Variants in LIPC observed in about 807,000 individuals in gnomAD.
LIPC encodes hepatic triacylglycerol lipase.
In LIPC, 44 loss-of-function variants were observed where a neutral mutation model predicts 50.7. That is an observed-to-expected ratio of 0.87 (90% CI 0.68 to 1.11). LIPC has a LOEUF of 1.11. Ranked by LOEUF, LIPC falls within the 50% of genes most tolerant of loss-of-function variation. The pLI, the probability that LIPC is intolerant of heterozygous loss-of-function variation, is 0.00. For synonymous variants in LIPC, 271 were observed against 256.4 expected (o/e 1.06, Z -0.54); for missense variants, 697 against 648.2 (o/e 1.08, Z -0.82).
intron 1 of LIPC, among the ~76,000 whole-genome samples, chr15:58,527,078 T>G (rs1374502045): frequency 1.3e-5 from 2 of 152,134 alleles, no homozygotes; most frequent in African/African-American, 4.8e-5. Context: ...CAGCTGGGCC[T>G]CCAGATATGG....
intron 8 of LIPC, among the ~76,000 whole-genome samples, chr15:58,564,958 C>T (rs1305264313): frequency 6.6e-6 from 1 of 152,144 alleles, no homozygotes; most frequent in African/African-American, 2.4e-5. Context: ...GTCGCGAAGG[C>T]CATGTTTCTC....
At chr15:58,447,950 G>A (rs1308144958) in intron 1 of LIPC, among the ~76,000 whole-genome samples, 23 of 152,216 alleles carry the variant, frequency 1.5e-4, no homozygotes, top group African/African-American at 5.5e-4. Context: ...ACAGGCCTTT[G>A]ACTCAAATCC....
chr15:58,465,423 G>A (rs1426397160), intron 1 of LIPC, among the ~76,000 whole-genome samples: 2 of 152,206 alleles, frequency 1.3e-5, no homozygotes, highest in African/African-American at 4.8e-5. Context: ...TTTTAGAAAA[G>A]AGTTCCATTA....
intron 1 of LIPC, among the ~76,000 whole-genome samples, chr15:58,438,566 A>T (rs1893391650): frequency 6.6e-6 from 1 of 152,194 alleles, no homozygotes; most frequent in African/African-American, 2.4e-5. Context: ...GGCCGAGCCT[A>T]GTCTGTCCAG....
At chr15:58,456,344 T>C (rs576954858) in intron 1 of LIPC, 8 of 152,358 alleles carry the variant, frequency 5.3e-5, no homozygotes, top group African/African-American at 1.9e-4. Flanking sequence ...TTGCTCTGTG[T>C]GATAGTATGA....
intron 1 of LIPC, among the ~76,000 whole-genome samples, chr15:58,507,919 G>C (rs1445028009): frequency 6.6e-6 from 1 of 152,150 alleles, no homozygotes; most frequent in Non-Finnish European, 1.5e-5. Context: ...AGTGGACTTG[G>C]GGAACTTACA....
At chr15:58,449,940 A>G (rs1458407919) in intron 1 of LIPC, among the ~76,000 whole-genome samples, 3 of 152,186 alleles carry the variant, frequency 2.0e-5, no homozygotes, top group African/African-American at 7.2e-5. Context: ...TGTACCCACC[A>G]TCAGATATTC....
chr15:58,492,025 C>T (rs1595893362), intron 1 of LIPC, among the ~76,000 whole-genome samples: 1 of 152,314 alleles, frequency 6.6e-6, no homozygotes, highest in South Asian at 2.1e-4. Flanking sequence ...CAGCAAGCAA[C>T]AGAGCACCCA....
At chr15:58,470,367 T>G (rs1013217175) in intron 1 of LIPC, among the ~76,000 whole-genome samples, 3 of 152,150 alleles carry the variant, frequency 2.0e-5, no homozygotes, top group Non-Finnish European at 4.4e-5. Flanking sequence ...TGAAAGGGTA[T>G]ATAGTAATAA....
At chr15:58,542,386 A>G in intron 3 of LIPC, 148 bp from the exon 4 acceptor site, 1 of 732,328 alleles carries the variant, frequency 1.4e-6, no homozygotes, top group South Asian at 1.4e-5. Flanking sequence ...CAGCCAGTTG[A>G]GAGATTAGTT....
intron 1 of LIPC, among the ~76,000 whole-genome samples, chr15:58,501,636 G>A (rs1434472923): frequency 6.6e-6 from 1 of 152,072 alleles, no homozygotes; most frequent in Non-Finnish European, 1.5e-5. Context: ...CTAATCACAA[G>A]GAAGAGTACA....
chr15:58,499,035 G>T (rs576353972), intron 1 of LIPC, among the ~76,000 whole-genome samples: 1 of 152,324 alleles, frequency 6.6e-6, no homozygotes, highest in Admixed American at 6.5e-5. Context: ...GGAAAAGCAC[G>T]TGTCAGGCAG....
intron 1 of LIPC, among the ~76,000 whole-genome samples, chr15:58,479,521 C>G (rs1292306503): frequency 6.6e-6 from 1 of 152,190 alleles, no homozygotes; most frequent in African/African-American, 2.4e-5. Flanking sequence ...CAGAGGACTT[C>G]TATAGCAATA....
chr15:58,442,918 GGTT>G (rs1183404276), intron 1 of LIPC, among the ~76,000 whole-genome samples: 6 of 152,218 alleles, frequency 3.9e-5, no homozygotes, highest in African/African-American at 1.2e-4. Context: ...TGGTTTGGGG[GGTT>G]GTTTTTGGTT....
At chr15:58,540,043 G>A (rs1893269347) in intron 2 of LIPC, among the ~76,000 whole-genome samples, 1 of 152,202 alleles carries the variant, frequency 6.6e-6, no homozygotes, top group South Asian at 2.1e-4. Context: ...TAGGCCGTAA[G>A]CTTCTCCCTG....
intron 1 of LIPC, among the ~76,000 whole-genome samples, chr15:58,472,270 CA>C (rs35901617): frequency 0.13 from 11,597 of 87,414 alleles, 439 homozygotes; most frequent in African/African-American, 0.19. Context: ...CATTTGGTCT[CA>C]AAAAAAAAAA....
chr15:58,545,594 C>T (rs1386050427), intron 4 of LIPC, 148 bp from the exon 5 acceptor site: 10 of 671,556 alleles, frequency 1.5e-5, no homozygotes, highest in African/African-American at 7.2e-5. Flanking sequence ...GAAAAGGTTA[C>T]GGCGAGGTTT....
At chr15:58,511,135 T>C (rs1187068612) in intron 1 of LIPC, among the ~76,000 whole-genome samples, 1 of 152,246 alleles carries the variant, frequency 6.6e-6, no homozygotes, top group Non-Finnish European at 1.5e-5. Context: ...CTACATCCTA[T>C]GTTTTTCTTC....
At chr15:58,499,498 C>G (rs1368917532) in intron 1 of LIPC, among the ~76,000 whole-genome samples, 2 of 152,180 alleles carry the variant, frequency 1.3e-5, no homozygotes, top group Admixed American at 6.5e-5. Context: ...ATTCTTCTAC[C>G]ATCAACCTGA....
Sources: gnomAD v4.1 joint callset for allele counts (sites outside exome capture counted in the v4.1 genomes callset) on GRCh38, gnomAD v4.1.1 for gene constraint, MANE v1.5 for transcripts, NCBI Gene and HGNC (gene_info 2026-07-23, HGNC 2026-07-21) for gene names.